The following INTS2 variants were observed in gnomAD, a reference collection of about 807,000 sequenced individuals.
INTS2 encodes KIAA1287.
Under a neutral mutation model 139.6 loss-of-function variants are expected in INTS2, and 57 were observed. That is an observed-to-expected ratio of 0.41 (90% CI 0.33 to 0.51). The LOEUF (loss-of-function observed/expected upper bound fraction) is 0.51, where lower values mean the gene tolerates loss of function less well. Among genes scored for constraint, INTS2 ranks in the 20% least tolerant of loss-of-function variants. The pLI is 0.28. For missense variants in INTS2, 1,196 were observed against 1,436.7 expected (o/e 0.83, Z 2.71); for synonymous variants, 473 against 493.4 (o/e 0.96, Z 0.55).
In INTS2 at chr17:61,873,166, A is replaced by T. The variant is rs112084002; in HGVS notation, c.2583-706T>A. Among the ~76,000 whole-genome samples the T allele has an allele frequency of 3.0e-4, 46 of 152,326 alleles. 2 individuals are homozygous for T. Among genetic ancestry groups the T allele is most frequent in the African/African-American group, 1.0e-3 (43 of 41,576 alleles). The stretch of plus-strand genomic sequence containing the variant: ...ATTGATAAAAGCAAAAAGTAGAAAT[A>T]AAATATCCTAGGGGATTGGGTTAAG... On this transcript the variant is annotated intron_variant, in intron 19 of 24. Transcript: ENST00000251334. The surrounding 1 kb of genome is among the most constrained non-coding windows in gnomAD (Gnocchi z 4.0).
chr17:61,888,608 T>G (rs2079255368), intron 15 of INTS2, among the ~76,000 whole-genome samples: 1 of 151,814 alleles, frequency 6.6e-6, no homozygotes, highest in African/African-American at 2.4e-5. Context: ...GGCATCTTGC[T>G]GTTTTCCAGG....
chr17:61,901,102 C>A (rs900599687), intron 9 of INTS2, among the ~76,000 whole-genome samples: 1 of 151,774 alleles, frequency 6.6e-6, no homozygotes, highest in Non-Finnish European at 1.5e-5. Flanking sequence ...AAAGTGAGAC[C>A]CCATCCCTAC....
Position 61,917,329 on chromosome 17 carries a change from C to T in INTS2, c.649+2071G>A, listed in dbSNP as rs144667397. ...CAAATTGTTCTACCAAAGACACATG[C>T]GCTTGTATGTTCATCCCAATACTAT... On this transcript the variant is annotated intron_variant, in intron 5 of 24. Coordinates refer to ENST00000251334, the MANE Select transcript of INTS2 (RefSeq NM_001351695.2). Among the ~76,000 whole-genome samples, 24 of 152,236 alleles carry T rather than the reference C, an allele frequency of 1.6e-4. No homozygotes were observed. In the East Asian group the frequency reaches 3.3e-3, roughly 21 times the overall value.
Position 61,893,760 on chromosome 17 carries a change from C to G in INTS2, c.1698+5G>C. On this transcript the variant is annotated splice_donor_5th_base_variant and intron_variant, in intron 13 of 24. Coordinates refer to ENST00000251334, the MANE Select transcript of INTS2 (RefSeq NM_001351695.2). The surrounding 1 kb of genome is among the most constrained non-coding windows in gnomAD (Gnocchi z 5.4). The stretch of plus-strand genomic sequence containing the variant: ...TTTTATTTTGTTTTATTTGTAGGGG[C>G]ATACTTTTATTGACACTTTGTGCTT... 1 of 1,570,826 alleles carries G rather than the reference C, an allele frequency of 6.4e-7. No homozygotes were observed. The highest frequency in any genetic ancestry group is 8.6e-7 in the Non-Finnish European group (1 of 1,156,720).
intron 4 of INTS2, among the ~76,000 whole-genome samples, chr17:61,920,128 T>C (rs1389587409): frequency 6.6e-6 from 1 of 151,898 alleles, no homozygotes; most frequent in Admixed American, 6.6e-5. Context: ...GTACAGGAAA[T>C]TTTATTTTAT....
chr17:61,886,553 C>A (rs8065060), intron 15 of INTS2, among the ~76,000 whole-genome samples: 11,565 of 152,204 alleles, frequency 0.076, 1,483 homozygotes, highest in African/African-American at 0.26. Flanking sequence ...CTTCAACCTG[C>A]GGCCATAGTC....
chr17:61,885,542 G>A (rs1023875704), intron 15 of INTS2, among the ~76,000 whole-genome samples: 2 of 151,228 alleles, frequency 1.3e-5, no homozygotes, highest in African/African-American at 2.4e-5. Flanking sequence ...AGCCTCTCAA[G>A]TAGATTGGCT....
At chr17:61,879,071 CTTTTT>C (rs943506280) in intron 17 of INTS2, among the ~76,000 whole-genome samples, 2 of 34,418 alleles carry the variant, frequency 5.8e-5, no homozygotes, top group Admixed American at 4.1e-4. Flanking sequence ...CCAGGCTGGT[CTTTTT>C]TTTTTTTTTT....
chr17:61,872,995 C>A lies in INTS2; in HGVS notation c.2583-535G>T, dbSNP rs2079101186. The stretch of plus-strand genomic sequence containing the variant: ...ATCAAACACTGCTATGGAATGTAAA[C>A]CAGTTCAGCCTTTCTACATAGTAGA... On this transcript the variant is annotated intron_variant, in intron 19 of 24. Transcript: ENST00000251334. This position sits in a 1 kb window ranked among gnomAD's most constrained non-coding sequence, Gnocchi z 4.8. 6.6e-6 allele frequency among the ~76,000 whole-genome samples: 1 copy of A among 152,060 alleles called. No homozygotes were observed. Among genetic ancestry groups the A allele is most frequent in the Non-Finnish European group, 1.5e-5 (1 of 68,008 alleles).
chr17:61,927,973 G>T lies in INTS2; in HGVS notation c.-338C>A. 1 of 1,613,360 alleles carries T rather than the reference G, an allele frequency of 6.2e-7. No homozygotes were observed. Among genetic ancestry groups the T allele is most frequent in the Non-Finnish European group, 8.5e-7 (1 of 1,179,348 alleles). On this transcript the variant is annotated 5_prime_UTR_variant, in exon 1 of 25. Coordinates refer to ENST00000251334, the MANE Select transcript of INTS2 (RefSeq NM_001351695.2). ...CAGCGTCTGACTCCCGTCGGCCACC[G>T]TACTGGTCTGAGAGGAAGGGTGGCT...
At chr17:61,914,692 G>A (rs763347564) in intron 5 of INTS2, among the ~76,000 whole-genome samples, 151 of 134,306 alleles carry the variant, frequency 1.1e-3, no homozygotes, top group Non-Finnish European at 1.6e-3. Context: ...GACAGAGTGA[G>A]ACTCCGTCTC....
chr17:61,921,695 T>C (rs754510370), intron 4 of INTS2, 30 bp downstream of exon 4: 10 of 1,121,354 alleles, frequency 8.9e-6, no homozygotes, highest in Admixed American at 4.6e-5. Flanking sequence ...AAACTATATA[T>C]GAAATCCATC....
At chr17:61,895,022 C>T (rs1008939496) in intron 12 of INTS2, among the ~76,000 whole-genome samples, 2 of 152,076 alleles carry the variant, frequency 1.3e-5, no homozygotes, top group Non-Finnish European at 1.5e-5. Flanking sequence ...CACATTAAAA[C>T]AATTACCCCT....
intron 14 of INTS2, among the ~76,000 whole-genome samples, chr17:61,890,599 G>A (rs2079280704): frequency 1.5e-5 from 2 of 132,842 alleles, no homozygotes; most frequent in South Asian, 5.6e-4. Flanking sequence ...AACAGAGTGA[G>A]ACTCTGTCTC....
At chr17:61,927,262 C>T (rs1344457107) in intron 1 of INTS2, 1 of 162,928 alleles carries the variant, frequency 6.1e-6, no homozygotes, top group Non-Finnish European at 1.4e-5. Flanking sequence ...CCTATGTCCC[C>T]TGTGTTACCG....
At chr17:61,920,948 C>T (rs2079635271) in intron 4 of INTS2, among the ~76,000 whole-genome samples, 1 of 152,068 alleles carries the variant, frequency 6.6e-6, no homozygotes, top group Non-Finnish European at 1.5e-5. Context: ...CCACACTAGG[C>T]TAATTTTTTT....
At chr17:61,896,506 A>G (rs2079351261) in intron 11 of INTS2, among the ~76,000 whole-genome samples, 1 of 152,132 alleles carries the variant, frequency 6.6e-6, no homozygotes, top group Non-Finnish European at 1.5e-5. Flanking sequence ...ACTGGGTAAA[A>G]TATACGTCTT....
rs1327015484 is a variant in INTS2 at position 61,873,295 on chromosome 17, A to G, written c.2583-835T>C. Among the ~76,000 whole-genome samples the G allele has an allele frequency of 1.3e-5, 2 of 152,180 alleles. No homozygotes were observed. Among genetic ancestry groups the G allele is most frequent in the Non-Finnish European group, 2.9e-5 (2 of 68,032 alleles). On this transcript the variant is annotated intron_variant, in intron 19 of 24. Coordinates refer to ENST00000251334, the MANE Select transcript of INTS2 (RefSeq NM_001351695.2). The surrounding 1 kb of genome is among the most constrained non-coding windows in gnomAD (Gnocchi z 4.0). Reference sequence around the variant, plus strand: ...TCCCAGCTACTCAGGAGGCTGAGGCAAGAGGATTGCTTAAGCCCAGGAGTT... The same window carrying G: ...TCCCAGCTACTCAGGAGGCTGAGGCGAGAGGATTGCTTAAGCCCAGGAGTT...
In INTS2 at chr17:61,867,851, T is replaced by C. The variant is rs768225623; in HGVS notation, c.3403A>G (p.Ile1135Val). 5.0e-6 allele frequency: 8 copies of C among 1,595,700 alleles called. No homozygotes were observed. The Admixed American group carries it at 1.3e-4, about 26-fold the overall frequency. ...CACTTACGTGTAATAATTGGATCAATGTCTCTTGTCTGAGTGGCAACATCA... is the reference window on the plus strand; with the variant it reads ...CACTTACGTGTAATAATTGGATCAACGTCTCTTGTCTGAGTGGCAACATCA... ...ASDVATQTRD[I>V]DPIITRLQQI... The change falls in exon 24 of 25, where the codon ATT becomes GTT. Residue 1135 changes from isoleucine (I) to valine (V), a missense_variant. Ile to Val is a conservative substitution (Grantham distance 29, BLOSUM62 3). Around this residue, in one of 3 missense-constraint regions of INTS2, gnomAD observed 1,129 missense variants for 1,341.9 expected, o/e 0.84. Coordinates refer to ENST00000251334, the MANE Select transcript of INTS2 (RefSeq NM_001351695.2). The surrounding 1 kb of genome is among the most constrained non-coding windows in gnomAD (Gnocchi z 5.6).
Sources: allele counts gnomAD v4.1 joint callset (sites outside exome capture counted in the v4.1 genomes callset), GRCh38; gene constraint gnomAD v4.1.1; regional missense constraint gnomAD v4.1.1; non-coding constraint Gnocchi (gnomAD v3.1); transcripts MANE v1.5; gene names NCBI Gene and HGNC (gene_info 2026-07-23, HGNC 2026-07-21).